The following PHF14 variants were observed in gnomAD, a reference collection of about 807,000 sequenced individuals.
The protein encoded by PHF14 is PHD finger protein 14.
In PHF14, 55 loss-of-function variants were observed where a neutral mutation model predicts 117.9. That is an observed-to-expected ratio of 0.47 (90% CI 0.38 to 0.58). The LOEUF (loss-of-function observed/expected upper bound fraction) is 0.58. Ranked by LOEUF, PHF14 falls within the 20% of genes least tolerant of loss-of-function variation. The pLI is 0.00. For synonymous variants in PHF14, 409 were observed against 368.6 expected, an observed-to-expected ratio of 1.11 and a Z score of -1.26; for missense variants, 978 against 1,122.2, an observed-to-expected ratio of 0.87 and a Z score of 1.84.
Position 11,155,728 on chromosome 7 carries a change from A to G in PHF14, c.2773-13688A>G, listed in dbSNP as rs1368845266. Among the ~76,000 whole-genome samples the G allele has an allele frequency of 5.3e-5, 8 of 152,200 alleles. No individual in the cohort carries two copies. In the East Asian group the frequency reaches 5.8e-4, roughly 11 times the overall value. On this transcript the variant is annotated intron_variant, in intron 17 of 17. Coordinates refer to ENST00000634607, the MANE Select transcript of PHF14 (RefSeq NM_001007157.2). ...TTGTTTTAGTCAGATTGTAAACTCC[A>G]TAAGGCAGGGACAGTGTCTGTCTTA... is the stretch of plus-strand genomic sequence containing the variant.
In PHF14 at chr7:11,000,699, T is replaced by A. The variant is rs563793730; in HGVS notation, c.1045+9852T>A. 4.3e-4 allele frequency among the ~76,000 whole-genome samples: 65 copies of A among 152,298 alleles called. 1 individual carries two copies. Among genetic ancestry groups the A allele is most frequent in the African/African-American group, 1.5e-3 (64 of 41,582 alleles). ...TCTATTCAGATCTTTTGCCCATTTT[T>A]AAAAATTGGTTTGTTTTCTTATTGT... is the stretch of plus-strand genomic sequence containing the variant. On this transcript the variant is annotated intron_variant, in intron 4 of 17. Transcript: ENST00000634607.
chr7:11,105,531 T>TA (rs1473007637), intron 16 of PHF14: 3 of 979,182 alleles, frequency 3.1e-6, no homozygotes, highest in African/African-American at 1.7e-5. Flanking sequence ...ATTAAATTTT[T>TA]AAAAAAATTT....
chr7:11,081,829 C>A (rs1786117661), intron 16 of PHF14, among the ~76,000 whole-genome samples: 1 of 150,836 alleles, frequency 6.6e-6, no homozygotes, highest in Admixed American at 6.6e-5. Flanking sequence ...ACACTCCAGC[C>A]TGGGCGACAG....
At chr7:11,160,146 T>C (rs990201150) in intron 17 of PHF14, among the ~76,000 whole-genome samples, 1 of 152,200 alleles carries the variant, frequency 6.6e-6, no homozygotes, top group African/African-American at 2.4e-5. Flanking sequence ...CTCCCACTTA[T>C]GAGTAAGAAC....
intron 13 of PHF14, among the ~76,000 whole-genome samples, chr7:11,048,675 G>A (rs987732747): frequency 2.6e-5 from 4 of 152,166 alleles, no homozygotes; most frequent in African/African-American, 9.7e-5. Flanking sequence ...TAATGTAGCA[G>A]AAACATTTTT....
intron 17 of PHF14, among the ~76,000 whole-genome samples, chr7:11,124,539 C>G (rs1482164670): frequency 6.6e-6 from 1 of 151,942 alleles, no homozygotes; most frequent in Non-Finnish European, 1.5e-5. Flanking sequence ...ATTTTCTAAG[C>G]ATTTAAAATG....
At chr7:11,075,073 G>A (rs148503923) in intron 16 of PHF14, among the ~76,000 whole-genome samples, 4,220 of 151,766 alleles carry the variant, frequency 0.028, 194 homozygotes, top group East Asian at 0.23. Context: ...GAGTAGCTGG[G>A]ACTACAGACA....
intron 17 of PHF14, among the ~76,000 whole-genome samples, chr7:11,163,739 AT>A (rs1789118796): frequency 6.6e-6 from 1 of 152,186 alleles, no homozygotes; most frequent in Non-Finnish European, 1.5e-5. Context: ...AAGATAAATT[AT>A]TTCTTCATTG....
rs911688418 is a variant in PHF14, at chr7:10,987,290, TTCTTA to T, written c.901-3408_901-3404del. ...TCAAGCTTTTTGTTATAATAATTTT[TTCTTA>T]TCTTCAGGGCAGTAGGATTCTTTTA... is the stretch of plus-strand genomic sequence containing the variant. On this transcript the variant is annotated intron_variant, in intron 3 of 17. Transcript: ENST00000634607. Among the ~76,000 whole-genome samples, 13 of 152,270 alleles carry T rather than the reference TTCTTA, an allele frequency of 8.5e-5. No individual in the cohort carries two copies. The East Asian group carries it at 2.1e-3, about 25-fold the overall frequency.
intron 16 of PHF14, among the ~76,000 whole-genome samples, chr7:11,086,432 T>C (rs2906559): frequency 0.5 from 76,041 of 152,034 alleles, 19,709 homozygotes; most frequent in East Asian, 0.85. Context: ...CTTTATGTTA[T>C]ACCTTCTCTC....
intron 7 of PHF14, among the ~76,000 whole-genome samples, chr7:11,034,223 ACT>A (rs138843089): frequency 0.013 from 1,973 of 151,320 alleles, 40 homozygotes; most frequent in African/African-American, 0.045. Context: ...GGGTTGTAAA[ACT>A]CTACTTAGAG....
chr7:11,157,937 T>C (rs1252810758), intron 17 of PHF14, among the ~76,000 whole-genome samples: 2 of 152,136 alleles, frequency 1.3e-5, no homozygotes, highest in South Asian at 2.1e-4. Context: ...AATTAGATGT[T>C]TGTCTGGTTT....
At chr7:10,988,332 A>G (rs1405886700) in intron 3 of PHF14, among the ~76,000 whole-genome samples, 5 of 152,172 alleles carry the variant, frequency 3.3e-5, no homozygotes, top group African/African-American at 1.2e-4. Flanking sequence ...AAATGGAAAA[A>G]TAGGAAAATA....
At chr7:11,050,380 T>A (rs1784819566) in intron 13 of PHF14, among the ~76,000 whole-genome samples, 1 of 152,202 alleles carries the variant, frequency 6.6e-6, no homozygotes, top group African/African-American at 2.4e-5. Flanking sequence ...AATTTGCTTT[T>A]GATCATTCTT....
At chr7:11,078,495 A>G (rs1785953986) in intron 16 of PHF14, among the ~76,000 whole-genome samples, 1 of 152,156 alleles carries the variant, frequency 6.6e-6, no homozygotes, top group African/African-American at 2.4e-5. Context: ...TTTCTCATTC[A>G]TAGAATGAGC....
At chr7:11,169,037 A>C (rs1789291687) in intron 17 of PHF14, among the ~76,000 whole-genome samples, 1 of 151,834 alleles carries the variant, frequency 6.6e-6, no homozygotes, top group South Asian at 2.1e-4. Context: ...AAAGTATACT[A>C]GATGGGGCAA....
chr7:11,141,418 G>A (rs1788393027), intron 17 of PHF14, among the ~76,000 whole-genome samples: 1 of 151,934 alleles, frequency 6.6e-6, no homozygotes, highest in Admixed American at 6.6e-5. Flanking sequence ...ATAGAATCTG[G>A]TGCTCATTTT....
At chr7:11,059,663 A>G (rs1481951295) in intron 14 of PHF14, among the ~76,000 whole-genome samples, 1 of 152,074 alleles carries the variant, frequency 6.6e-6, no homozygotes, top group African/African-American at 2.4e-5. Context: ...AAACCCAGCT[A>G]CTTGCAAGGC....
chr7:11,023,696 C>T (rs749847655), intron 6 of PHF14, among the ~76,000 whole-genome samples: 30 of 152,214 alleles, frequency 2.0e-4, no homozygotes, highest in Non-Finnish European at 3.8e-4. Flanking sequence ...GGCGTGGTGG[C>T]GCGTGCCTGT....
Sources: gnomAD v4.1 joint callset for allele counts (sites outside exome capture counted in the v4.1 genomes callset) on GRCh38, gnomAD v4.1.1 for gene constraint, MANE v1.5 for transcripts, NCBI Gene and HGNC (gene_info 2026-07-23, HGNC 2026-07-21) for gene names.